AFG2A: variants seen among roughly 807,000 people sequenced by gnomAD.
AFG2A encodes the protein AAA ATPase AFG2A.
chr4:122,974,840 A>T, the AFG2A span, among the ~76,000 whole-genome samples: 2 of 151,834 alleles, frequency 1.3e-5, no homozygotes, highest in East Asian at 1.9e-4. Flanking sequence ...TGGTTTCTCC[A>T]TGTTGGTCAG....
chr4:123,182,313 T>C, the AFG2A span, among the ~76,000 whole-genome samples: 6 of 152,204 alleles, frequency 3.9e-5, no homozygotes, highest in African/African-American at 1.4e-4. Flanking sequence ...TAGTATAGCA[T>C]CTGGCAAATA....
chr4:122,970,175 T>C, the AFG2A span, among the ~76,000 whole-genome samples: 1 of 152,238 alleles, frequency 6.6e-6, no homozygotes, highest in African/African-American at 2.4e-5. Flanking sequence ...TCATGGTAAG[T>C]GCCCACACAG....
At chr4:122,983,364 G>A in the AFG2A span, among the ~76,000 whole-genome samples, 1 of 151,510 alleles carries the variant, frequency 6.6e-6, no homozygotes, top group South Asian at 2.1e-4. Context: ...AACTTATTTT[G>A]TTCTTTTTCT....
At chr4:122,966,556 T>C in the AFG2A span, among the ~76,000 whole-genome samples, 126,451 of 152,094 alleles carry the variant, frequency 0.83, 53,715 homozygotes, top group East Asian at 0.96. Flanking sequence ...CCCCAATTCC[T>C]ATTTTATCAG....
At chr4:123,095,065 A>ATATATG in the AFG2A span, among the ~76,000 whole-genome samples, 331 of 120,532 alleles carry the variant, frequency 2.7e-3, 1 homozygote, top group African/African-American at 9.7e-3. Flanking sequence ...ATATATATAT[A>ATATATG]TGTGTGTGTG....
chr4:123,125,506 C>T, the AFG2A span, among the ~76,000 whole-genome samples: 8 of 152,128 alleles, frequency 5.3e-5, no homozygotes, highest in African/African-American at 1.9e-4. Flanking sequence ...TTTTAGCTCC[C>T]TAGTTTCTCC....
the AFG2A span, chr4:122,927,746 C>A: frequency 1.9e-6 from 3 of 1,612,474 alleles, no homozygotes; most frequent in Non-Finnish European, 2.5e-6. Context: ...CTAGTTTGAA[C>A]GGAAAGCAAG....
At chr4:123,065,124 T>C in the AFG2A span, among the ~76,000 whole-genome samples, 1 of 152,176 alleles carries the variant, frequency 6.6e-6, no homozygotes, top group East Asian at 1.9e-4. Context: ...CAGGTGTAGG[T>C]AGTTAACTAA....
chr4:123,295,723 G>C, the AFG2A span, among the ~76,000 whole-genome samples: 1 of 152,186 alleles, frequency 6.6e-6, no homozygotes, highest in East Asian at 1.9e-4. Flanking sequence ...GTGAAAACCT[G>C]CCAGCATGGC....
At chr4:123,095,805 G>A in the AFG2A span, among the ~76,000 whole-genome samples, 1 of 152,042 alleles carries the variant, frequency 6.6e-6, no homozygotes, top group East Asian at 1.9e-4. Context: ...AAATTAGCTA[G>A]CATATTTTAC....
the AFG2A span, among the ~76,000 whole-genome samples, chr4:122,978,638 A>G: frequency 6.6e-6 from 1 of 152,160 alleles, no homozygotes; most frequent in East Asian, 1.9e-4. Flanking sequence ...TCCTGCTGCC[A>G]TCAATCATGT....
the AFG2A span, among the ~76,000 whole-genome samples, chr4:123,067,932 A>G: frequency 6.6e-6 from 1 of 152,188 alleles, no homozygotes; most frequent in Non-Finnish European, 1.5e-5. Flanking sequence ...GTCTGTGCCT[A>G]TAGTTTGCCT....
chr4:123,118,353 T>TTATATATATTATATTATATATATTA, the AFG2A span, among the ~76,000 whole-genome samples: 2 of 129,856 alleles, frequency 1.5e-5, no homozygotes, highest in South Asian at 2.4e-4. Context: ...ATTATATATA[T>TTATATATATTATATTATATATATTA]TATATATATA....
the AFG2A span, among the ~76,000 whole-genome samples, chr4:123,115,423 G>C: frequency 6.6e-6 from 1 of 152,150 alleles, no homozygotes; most frequent in South Asian, 2.1e-4. Flanking sequence ...AGAGTCGCTT[G>C]CCAGGTCTGG....
At chr4:123,303,118 ACT>A in the AFG2A span, among the ~76,000 whole-genome samples, 1 of 152,182 alleles carries the variant, frequency 6.6e-6, no homozygotes, top group African/African-American at 2.4e-5. Flanking sequence ...AACTAAAAAT[ACT>A]CTGTTTTATC....
chr4:123,020,412 A>G, the AFG2A span, among the ~76,000 whole-genome samples: 1 of 149,972 alleles, frequency 6.7e-6, no homozygotes, highest in African/African-American at 2.5e-5. Context: ...CTTGGCGTTC[A>G]GGCTGGAGTT....
At chr4:123,046,247 C>G in the AFG2A span, among the ~76,000 whole-genome samples, 4 of 152,054 alleles carry the variant, frequency 2.6e-5, no homozygotes, top group Non-Finnish European at 5.9e-5. Context: ...GTCTCAGTTG[C>G]ACCAGTTTGG....
At chr4:122,982,084 T>G in the AFG2A span, among the ~76,000 whole-genome samples, 124,544 of 152,028 alleles carry the variant, frequency 0.82, 52,502 homozygotes, top group East Asian at 0.96. Flanking sequence ...GCTCTTCATC[T>G]TAGAGGAAAA....
At chr4:123,084,614 G>GTGTGTATA in the AFG2A span, among the ~76,000 whole-genome samples, 54 of 148,660 alleles carry the variant, frequency 3.6e-4, 1 homozygote, top group Middle Eastern at 3.5e-3. Context: ...GTGTGTGTGT[G>GTGTGTATA]TATATATATA....
Sources: allele counts gnomAD v4.1 joint callset (sites outside exome capture counted in the v4.1 genomes callset), GRCh38; gene constraint gnomAD v4.1.1; transcripts MANE v1.5; gene names NCBI Gene and HGNC (gene_info 2026-07-23, HGNC 2026-07-21).